FANCC: variants seen among roughly 807,000 people sequenced by gnomAD.
FANCC encodes Fanconi anemia group C protein.
FANCC carries 55 observed loss-of-function variants against 71.3 expected under a neutral mutation model. That is an observed-to-expected ratio of 0.77 (90% CI 0.62 to 0.97). The LOEUF (loss-of-function observed/expected upper bound fraction) is 0.97, where lower values mean the gene tolerates loss of function less well. Among genes scored for constraint, FANCC ranks in the 50% least tolerant of loss-of-function variants. The probability of loss-of-function intolerance (pLI) is 0.00; values close to 1 mark genes in which losing one functional copy is unlikely to be tolerated. For missense variants in FANCC, 678 were observed against 670.9 expected, an observed-to-expected ratio of 1.01 and a Z score of -0.12; for synonymous variants, 275 against 244.9, an observed-to-expected ratio of 1.12 and a Z score of -1.15.
chr9:95,263,531 G>T (rs10993497), intron 1 of FANCC, among the ~76,000 whole-genome samples: 5 of 129,040 alleles, frequency 3.9e-5, no homozygotes, highest in African/African-American at 8.0e-5. Context: ...TATATATATA[G>T]ATATAGATAG....
At chr9:95,282,923 G>A (rs184818) in intron 1 of FANCC, among the ~76,000 whole-genome samples, 29,002 of 152,032 alleles carry the variant, frequency 0.19, 2,898 homozygotes, top group East Asian at 0.3. Context: ...ATGGGATAGA[G>A]CAAAAACAAT....
chr9:95,135,558 G>T (rs1239513105), intron 7 of FANCC, 56 bp from the exon 8 acceptor site: 1 of 1,544,732 alleles, frequency 6.5e-7, no homozygotes, highest in Non-Finnish European at 8.9e-7. Flanking sequence ...GAAAAAAGAA[G>T]ATTAAAAAAA....
intron 7 of FANCC, among the ~76,000 whole-genome samples, chr9:95,149,122 T>G (rs1228328541): frequency 6.6e-6 from 1 of 152,170 alleles, no homozygotes; most frequent in Non-Finnish European, 1.5e-5. Flanking sequence ...AAAAATAAGC[T>G]ATTTGTGTTA....
intron 4 of FANCC, among the ~76,000 whole-genome samples, chr9:95,176,955 G>A (rs767718865): frequency 1.1e-4 from 17 of 152,300 alleles, no homozygotes; most frequent in Middle Eastern, 3.4e-3. Context: ...TATGAGCTCC[G>A]TCTTGACATT....
Position 95,226,970 on chromosome 9 carries a change from A to C in FANCC, c.345+13679T>G, listed in dbSNP as rs1249427050. ...AGGGGTCTCTCGCTTCTACCCCCAC[A>C]GGCACAGCTGACGGTTCTGTGGAGA... On this transcript the variant is annotated intron_variant, in intron 4 of 14. Transcript: ENST00000289081. Among the ~76,000 whole-genome samples the C allele has an allele frequency of 6.6e-5, 10 of 152,142 alleles. No individual in the cohort carries two copies. The East Asian group carries it at 1.7e-3, about 26-fold the overall frequency.
At chr9:95,134,827 G>A (rs751239434) in intron 8 of FANCC, among the ~76,000 whole-genome samples, 1 of 152,242 alleles carries the variant, frequency 6.6e-6, no homozygotes, top group Non-Finnish European at 1.5e-5. Flanking sequence ...AGCGGGAAGG[G>A]AGCCAGGCGC....
At chr9:95,229,770 TACACACACACACACACACACACAC>T (rs3030656) in intron 4 of FANCC, among the ~76,000 whole-genome samples, 1 of 148,312 alleles carries the variant, frequency 6.7e-6, no homozygotes, top group African/African-American at 2.5e-5. Context: ...TGCACACATG[TACACACACACACACACACACACAC>T]ACACACACAC....
intron 1 of FANCC, chr9:95,293,444 T>C: frequency 4.5e-6 from 7 of 1,571,958 alleles, no homozygotes. Context: ...GCCTACTTCT[T>C]TTCTAAATTG....
chr9:95,136,477 A>G (rs530601643), intron 7 of FANCC, among the ~76,000 whole-genome samples: 56 of 152,124 alleles, frequency 3.7e-4, no homozygotes, highest in African/African-American at 1.3e-3. Flanking sequence ...AGGACTGGGA[A>G]TCAAAGATTC....
chr9:95,110,976 G>A, intron 13 of FANCC: 3 of 1,414,918 alleles, frequency 2.1e-6, no homozygotes, highest in East Asian at 2.6e-5. Flanking sequence ...TTTAGTAAGA[G>A]ATGTAAATAA....
chr9:95,258,788 A>C (rs1283023998), intron 1 of FANCC, among the ~76,000 whole-genome samples: 2 of 152,186 alleles, frequency 1.3e-5, no homozygotes. Context: ...TATTTAGAAA[A>C]CCCCACTGTC....
chr9:95,269,584 T>C (rs1832601619), intron 1 of FANCC, among the ~76,000 whole-genome samples: 1 of 152,160 alleles, frequency 6.6e-6, no homozygotes, highest in Non-Finnish European at 1.5e-5. Context: ...ACATATAGAA[T>C]ACAACTGAAG....
At chr9:95,292,570 C>A in intron 1 of FANCC, 1 of 1,469,394 alleles carries the variant, frequency 6.8e-7, no homozygotes, top group Non-Finnish European at 9.4e-7. Context: ...CTGTCCCAGA[C>A]CACATGGCCC....
intron 4 of FANCC, among the ~76,000 whole-genome samples, chr9:95,230,867 A>T (rs545315275): frequency 6.6e-6 from 1 of 152,228 alleles, no homozygotes; most frequent in Admixed American, 6.5e-5. Context: ...CCATTTTTAC[A>T]GAGTGCTGAT....
At chr9:95,169,105 T>G (rs1313977199) in intron 6 of FANCC, among the ~76,000 whole-genome samples, 2 of 152,128 alleles carry the variant, frequency 1.3e-5, no homozygotes, top group Non-Finnish European at 2.9e-5. Context: ...AGTTGTAAAG[T>G]GCTTTCTTTA....
intron 1 of FANCC, among the ~76,000 whole-genome samples, chr9:95,315,691 A>C (rs761113282): frequency 2.6e-5 from 4 of 152,240 alleles, no homozygotes; most frequent in Non-Finnish European, 5.9e-5. Context: ...AACTTTTAAA[A>C]ATCATTTGGT....
intron 4 of FANCC, among the ~76,000 whole-genome samples, chr9:95,234,952 C>T (rs946479835): frequency 6.6e-5 from 10 of 152,226 alleles, no homozygotes; most frequent in African/African-American, 2.4e-4. Context: ...AGGTCTCTCA[C>T]TGACTGGATA....
chr9:95,109,375 T>G (rs2071725185), intron 13 of FANCC, among the ~76,000 whole-genome samples: 1 of 152,226 alleles, frequency 6.6e-6, no homozygotes, highest in Non-Finnish European at 1.5e-5. Flanking sequence ...AGCCTTTGCA[T>G]GGATCTCTAT....
chr9:95,287,436 T>A (rs1042516234), intron 1 of FANCC, among the ~76,000 whole-genome samples: 4 of 152,138 alleles, frequency 2.6e-5, no homozygotes, highest in Non-Finnish European at 5.9e-5. Flanking sequence ...TCCAACATCA[T>A]CCATATCAGC....
Sources: gnomAD v4.1 joint callset for allele counts (sites outside exome capture counted in the v4.1 genomes callset) on GRCh38, gnomAD v4.1.1 for gene constraint, MANE v1.5 for transcripts, NCBI Gene and HGNC (gene_info 2026-07-23, HGNC 2026-07-21) for gene names.